BRINP3: variants seen among roughly 807,000 people sequenced by gnomAD.
The protein encoded by BRINP3 is BMP/retinoic acid-inducible neural-specific protein 3.
A neutral mutation model predicts 71.0 loss-of-function variants in BRINP3; 19 were observed. The ratio of observed to expected loss-of-function variants is 0.27; its 90% CI spans 0.19 to 0.39. BRINP3 has a LOEUF of 0.39. Among genes scored for constraint, BRINP3 ranks in the 10% least tolerant of loss-of-function variants. The probability of loss-of-function intolerance (pLI) is 1.00; values close to 1 mark genes in which losing one functional copy is unlikely to be tolerated. For missense variants in BRINP3, 959 were observed against 940.8 expected (o/e 1.02, Z -0.25); for synonymous variants, 380 against 337.7 (o/e 1.13, Z -1.37).
chr1:190,289,478 T>C (rs1044905077), intron 2 of BRINP3, among the ~76,000 whole-genome samples: 2 of 151,916 alleles, frequency 1.3e-5, no homozygotes, highest in Non-Finnish European at 2.9e-5. Flanking sequence ...ACAAAATAAA[T>C]TTTCAGAAAA....
At chr1:190,402,876 GC>G (rs1245490556) in intron 2 of BRINP3, among the ~76,000 whole-genome samples, 2 of 152,046 alleles carry the variant, frequency 1.3e-5, no homozygotes, top group African/African-American at 4.8e-5. Context: ...GGAGGCACAA[GC>G]CAGCATGCCC....
chr1:190,189,340 T>A (rs1653824951), intron 6 of BRINP3, among the ~76,000 whole-genome samples: 1 of 152,132 alleles, frequency 6.6e-6, no homozygotes, highest in Non-Finnish European at 1.5e-5. Flanking sequence ...TCTGTTCAGA[T>A]TTTCTATTTG....
intron 2 of BRINP3, among the ~76,000 whole-genome samples, chr1:190,300,379 A>G (rs935016097): frequency 3.9e-5 from 6 of 152,022 alleles, no homozygotes; most frequent in Admixed American, 1.3e-4. Context: ...CGTAGTTCTC[A>G]AGACTTGGTT....
intron 2 of BRINP3, among the ~76,000 whole-genome samples, chr1:190,426,508 C>T (rs1673716951): frequency 1.3e-5 from 2 of 151,676 alleles, no homozygotes; most frequent in African/African-American, 4.8e-5. Flanking sequence ...CAAAATGCTC[C>T]AATGAGCATT....
chr1:190,163,258 A>G (rs1651176970), intron 6 of BRINP3, among the ~76,000 whole-genome samples: 1 of 152,108 alleles, frequency 6.6e-6, no homozygotes, highest in Non-Finnish European at 1.5e-5. Flanking sequence ...GGAATTACCA[A>G]AGCTATGTAA....
chr1:190,320,127 G>T (rs1021920015), intron 2 of BRINP3, among the ~76,000 whole-genome samples: 1 of 151,974 alleles, frequency 6.6e-6, no homozygotes, highest in African/African-American at 2.4e-5. Flanking sequence ...TTAACACAGG[G>T]TGATTGATAT....
chr1:190,154,097 A>G (rs1656657367), intron 7 of BRINP3: 1 of 957,004 alleles, frequency 1.0e-6, no homozygotes, highest in African/African-American at 1.8e-5. Context: ...TAGTCATCAC[A>G]TTTTCATCTT....
chr1:190,137,006 A>G (rs951137075), intron 7 of BRINP3, among the ~76,000 whole-genome samples: 1 of 152,148 alleles, frequency 6.6e-6, no homozygotes, highest in Non-Finnish European at 1.5e-5. Flanking sequence ...AGTTCTCACA[A>G]TATCTGGATG....
chr1:190,315,361 G>A (rs967867233), intron 2 of BRINP3, among the ~76,000 whole-genome samples: 1 of 151,990 alleles, frequency 6.6e-6, no homozygotes, highest in Non-Finnish European at 1.5e-5. Flanking sequence ...TCGACCTAGT[G>A]GAATGGCCAT....
At chr1:190,473,283 T>C (rs1677264829) in intron 1 of BRINP3, among the ~76,000 whole-genome samples, 1 of 152,000 alleles carries the variant, frequency 6.6e-6, no homozygotes, top group Non-Finnish European at 1.5e-5. Flanking sequence ...GAGGAAAAAC[T>C]ACCTTTTGCA....
At chr1:190,407,251 T>C (rs1201972488) in intron 2 of BRINP3, among the ~76,000 whole-genome samples, 1 of 152,156 alleles carries the variant, frequency 6.6e-6, no homozygotes, top group Admixed American at 6.5e-5. Flanking sequence ...CATTATAGAA[T>C]AAATTTCATA....
intron 2 of BRINP3, among the ~76,000 whole-genome samples, chr1:190,291,971 T>G (rs1457882092): frequency 6.6e-6 from 1 of 152,088 alleles, no homozygotes; most frequent in African/African-American, 2.4e-5. Flanking sequence ...TAATAAAGAA[T>G]GAAATACTGT....
At chr1:190,391,175 G>T (rs559078118) in intron 2 of BRINP3, among the ~76,000 whole-genome samples, 4 of 151,782 alleles carry the variant, frequency 2.6e-5, no homozygotes, top group East Asian at 1.9e-4. Context: ...TTTATCTGGA[G>T]CATGGACACT....
intron 2 of BRINP3, among the ~76,000 whole-genome samples, chr1:190,444,534 T>TA (rs1472044634): frequency 9.0e-4 from 136 of 151,932 alleles, no homozygotes; most frequent in African/African-American, 3.2e-3. Context: ...TTTATTTATT[T>TA]TTTTATTTAT....
chr1:190,390,445 A>G (rs961078997), intron 2 of BRINP3, among the ~76,000 whole-genome samples: 15 of 151,796 alleles, frequency 9.9e-5, no homozygotes, highest in African/African-American at 3.6e-4. Flanking sequence ...AGTCAACACA[A>G]TGAGAGGTCG....
intron 7 of BRINP3, among the ~76,000 whole-genome samples, chr1:190,121,435 C>T (rs1653650210): frequency 6.6e-6 from 1 of 152,018 alleles, no homozygotes; most frequent in African/African-American, 2.4e-5. Context: ...ACAAAGACTA[C>T]ATAGTGATAA....
At chr1:190,412,365 G>C (rs1480787948) in intron 2 of BRINP3, among the ~76,000 whole-genome samples, 9 of 141,930 alleles carry the variant, frequency 6.3e-5, no homozygotes, top group Admixed American at 2.2e-4. Context: ...GGATAAAAAT[G>C]TCAAACAACA....
intron 1 of BRINP3, among the ~76,000 whole-genome samples, chr1:190,475,372 T>A (rs190739771): frequency 1.4e-3 from 215 of 152,212 alleles, no homozygotes; most frequent in African/African-American, 5.1e-3. Context: ...TTTGCTCAAG[T>A]TTGGCTTAGG....
intron 7 of BRINP3, among the ~76,000 whole-genome samples, chr1:190,104,270 T>C (rs893047893): frequency 4.6e-5 from 7 of 152,038 alleles, no homozygotes; most frequent in East Asian, 3.9e-4. Flanking sequence ...ACCATTTTCT[T>C]AGGAGCCAGA....
Sources: allele counts gnomAD v4.1 joint callset (sites outside exome capture counted in the v4.1 genomes callset), GRCh38; gene constraint gnomAD v4.1.1; transcripts MANE v1.5; gene names NCBI Gene and HGNC (gene_info 2026-07-23, HGNC 2026-07-21).